The following FAT3 variants were observed in gnomAD, a reference collection of about 807,000 sequenced individuals.
The protein encoded by FAT3 is protocadherin Fat 3.
A neutral mutation model predicts 310.2 loss-of-function variants in FAT3; 95 were observed. The ratio of observed to expected loss-of-function variants is 0.31; its 90% confidence interval spans 0.26 to 0.36. The LOEUF (loss-of-function observed/expected upper bound fraction) is 0.36. Ranked by LOEUF, FAT3 falls within the 10% of genes least tolerant of loss-of-function variation. The pLI, the probability that FAT3 is intolerant of heterozygous loss-of-function variation, is 1.00. For missense variants in FAT3, 5,408 were observed against 5,715.6 expected (o/e 0.95, Z 1.74); for synonymous variants, 2,314 against 2,192.9 (o/e 1.06, Z -1.54).
At chr11:92,535,186 T>G (rs1196855830) in intron 3 of FAT3, among the ~76,000 whole-genome samples, 1 of 152,150 alleles carries the variant, frequency 6.6e-6, no homozygotes, top group Admixed American at 6.5e-5. Flanking sequence ...GAGGTTATTG[T>G]GTTGGAGGCC....
chr11:92,801,346 C>T lies in FAT3; in HGVS notation c.8333C>T (p.Ala2778Val). The change falls in exon 10 of 28, where the codon GCT (alanine) becomes GTT (valine). Residue 2778 changes from alanine (A) to valine (V), a missense_variant. Physicochemically the swap from Ala to Val is moderately conservative, Grantham distance 64 (BLOSUM62 0). Around this residue, in one of 5 missense-constraint regions of FAT3, gnomAD observed 4,588 missense variants for 4,809.8 expected, o/e 0.95. Transcript: ENST00000525166. ...DKRLDRETSPAFHFKVAATIP... is the reference protein window; with the variant it reads ...DKRLDRETSPVFHFKVAATIP... ...CGCCTTGACCGTGAAACCAGCCCAG[C>T]TTTCCACTTTAAAGTAGCAGCCACT... The T allele has an allele frequency of 2.5e-6, 4 of 1,613,982 alleles. 1 individual carries two copies. The highest frequency in any genetic ancestry group is 3.4e-6 in the Non-Finnish European group (4 of 1,179,870).
chr11:92,601,189 G>A (rs1160764220), intron 3 of FAT3, among the ~76,000 whole-genome samples: 1 of 151,946 alleles, frequency 6.6e-6, no homozygotes, highest in Non-Finnish European at 1.5e-5. Flanking sequence ...ATGGGAGGAG[G>A]AAGTGAAGGT....
rs181126125 is a variant in FAT3, at chr11:92,462,407, G to C, written c.3293-62227G>C. 1.6e-4 allele frequency among the ~76,000 whole-genome samples: 24 copies of C among 152,154 alleles called. No homozygotes were observed. In the East Asian group the frequency reaches 4.5e-3, roughly 28 times the overall value. ...CTCGCTGTTTTGCTCCCACTTCTAA[G>C]TGAGAACATGTGGTATTTGGTTTTC... On this transcript the variant is annotated intron_variant, in intron 2 of 27. Transcript: ENST00000525166.
rs1016122220 is a variant in FAT3 at position 92,792,672 on chromosome 11, G to A, written c.4612-95G>A. On this transcript the variant is annotated intron_variant, in intron 8 of 27. Transcript: ENST00000525166. ...TGGAACTGGGTCAAGCACTTTGCGT[G>A]CATTATTTCATTTTGTTTTCACCCC... 7.4e-5 allele frequency: 88 copies of A among 1,188,008 alleles called. No homozygotes were observed. In the Admixed American group the frequency reaches 1.6e-3, roughly 22 times the overall value. 73.6% of individuals were successfully genotyped at this position (1,188,008 alleles called of 1,614,324 possible). A position where few individuals can be genotyped will look rare whatever the true frequency, so the allele number is the denominator to read the frequency against.
At chr11:92,456,773 T>A (rs981095716) in intron 2 of FAT3, among the ~76,000 whole-genome samples, 1 of 152,168 alleles carries the variant, frequency 6.6e-6, no homozygotes, top group East Asian at 1.9e-4. Flanking sequence ...AATGATTAAA[T>A]ACTATTCCAT....
chr11:92,512,847 G>A (rs907592956), intron 2 of FAT3, among the ~76,000 whole-genome samples: 2 of 63,918 alleles, frequency 3.1e-5, no homozygotes, highest in African/African-American at 1.5e-4. Context: ...TATCGGCCGG[G>A]CGCGGTGGCT....
At chr11:92,371,320 G>A (rs1251558198) in intron 2 of FAT3, among the ~76,000 whole-genome samples, 1 of 152,206 alleles carries the variant, frequency 6.6e-6, no homozygotes, top group African/African-American at 2.4e-5. Flanking sequence ...ACAGCTTGTG[G>A]TGGAGCTGAG....
intron 2 of FAT3, among the ~76,000 whole-genome samples, chr11:92,441,688 C>T (rs1284607646): frequency 1.3e-5 from 2 of 152,180 alleles, no homozygotes; most frequent in African/African-American, 2.4e-5. Flanking sequence ...TTAGAGGAGT[C>T]TCTGTTTAAA....
chr11:92,499,770 T>C (rs1952882733), intron 2 of FAT3, among the ~76,000 whole-genome samples: 1 of 149,428 alleles, frequency 6.7e-6, no homozygotes, highest in African/African-American at 2.5e-5. Context: ...GTCACCATGA[T>C]TAGAAAGAAT....
Position 92,799,577 on chromosome 11 carries a change from G to A in FAT3, c.6564G>A (p.Lys2188=). Reference sequence around the variant, plus strand: ...ACAAAGCAATGCCTGTGTTTGATAAGCCCTTTTATACAGCATCTGTCAATG... The same window carrying A: ...ACAAAGCAATGCCTGTGTTTGATAAACCCTTTTATACAGCATCTGTCAATG... ...IVNKAMPVFD[K]PFYTASVNED... Residue 2188 remains lysine (K), a synonymous_variant, in exon 10 of 28, where the codon AAG becomes AAA. Transcript: ENST00000525166. 6.2e-7 allele frequency: 1 copy of A among 1,613,780 alleles called. No homozygotes were observed.
Position 92,800,941 on chromosome 11 carries a change from C to T in FAT3, c.7928C>T (p.Ala2643Val), listed in dbSNP as rs1947325895. 1.2e-6 allele frequency: 2 copies of T among 1,612,930 alleles called. No homozygotes were observed. The highest frequency in any genetic ancestry group is 8.5e-7 in the Non-Finnish European group (1 of 1,179,454). Residue 2643 changes from alanine to valine, a missense_variant, in exon 10 of 28, where the codon GCC becomes GTC. Around this residue, in one of 5 missense-constraint regions of FAT3, gnomAD observed 4,588 missense variants for 4,809.8 expected, o/e 0.95. Transcript: ENST00000525166. ...SRITYSLYSE[A>V]SVSVADLLEI... ...ATTACTTATTCCCTCTATAGCGAGG[C>T]CTCTGTTTCAGTGGCCGACCTCCTG...
intron 2 of FAT3, among the ~76,000 whole-genome samples, chr11:92,426,684 G>T (rs757156140): frequency 2.0e-5 from 3 of 152,176 alleles, no homozygotes; most frequent in African/African-American, 7.2e-5. Context: ...TCAGATGGTT[G>T]TAGATATGTG....
intron 2 of FAT3, among the ~76,000 whole-genome samples, chr11:92,423,562 C>T (rs1246215276): frequency 6.6e-6 from 1 of 152,178 alleles, no homozygotes; most frequent in African/African-American, 2.4e-5. Flanking sequence ...TGTAACCACA[C>T]TGCCTCACGC....
chr11:92,757,277 C>T (rs1043089243), intron 4 of FAT3, among the ~76,000 whole-genome samples: 1 of 152,130 alleles, frequency 6.6e-6, no homozygotes, highest in Non-Finnish European at 1.5e-5. Flanking sequence ...AGAAATTAAT[C>T]TTTCAGGCTT....
intron 1 of FAT3, among the ~76,000 whole-genome samples, chr11:92,269,972 A>G (rs1156802874): frequency 6.6e-6 from 1 of 152,094 alleles, no homozygotes; most frequent in Non-Finnish European, 1.5e-5. Context: ...TAGTGTGGAC[A>G]CTTCAGAAAT....
intron 3 of FAT3, among the ~76,000 whole-genome samples, chr11:92,643,387 A>G (rs1165524144): frequency 6.6e-6 from 1 of 152,200 alleles, no homozygotes; most frequent in Non-Finnish European, 1.5e-5. Flanking sequence ...AAAAACCCTC[A>G]TCAGCCAGTG....
chr11:92,458,163 A>G (rs567641965), intron 2 of FAT3, among the ~76,000 whole-genome samples: 14 of 152,176 alleles, frequency 9.2e-5, no homozygotes, highest in Admixed American at 6.5e-5. Context: ...CGATGAGACT[A>G]TGGTATTCCA....
intron 1 of FAT3, among the ~76,000 whole-genome samples, chr11:92,229,318 C>T (rs1864046832): frequency 6.6e-6 from 1 of 151,328 alleles, no homozygotes; most frequent in Non-Finnish European, 1.5e-5. Flanking sequence ...TTGAGGATCA[C>T]CACAGTGTGA....
chr11:92,544,072 C>T (rs112481330), intron 3 of FAT3, among the ~76,000 whole-genome samples: 49 of 152,274 alleles, frequency 3.2e-4, no homozygotes, highest in African/African-American at 1.1e-3. Flanking sequence ...ACTAGGGAAG[C>T]TATTTTGTGT....
Sources: gnomAD v4.1 joint callset for allele counts (sites outside exome capture counted in the v4.1 genomes callset) on GRCh38, gnomAD v4.1.1 for gene constraint, gnomAD v4.1.1 regional missense constraint, MANE v1.5 for transcripts, NCBI Gene and HGNC (gene_info 2026-07-23, HGNC 2026-07-21) for gene names.